GK5: variants seen among roughly 807,000 people sequenced by gnomAD.
GK5 encodes ATP:glycerol 3-phosphotransferase 5.
Under a neutral mutation model 77.3 loss-of-function variants are expected in GK5, and 39 were observed. The observed-to-expected ratio is 0.50, with a 90% CI of 0.39 to 0.66. The LOEUF is 0.66. Ranked by LOEUF, GK5 falls within the 30% of genes least tolerant of loss-of-function variation. The pLI is 0.00. For synonymous variants in GK5, 211 were observed against 208.0 expected, an observed-to-expected ratio of 1.01 and a Z score of -0.13; for missense variants, 487 against 633.8, an observed-to-expected ratio of 0.77 and a Z score of 2.49.
chr3:142,212,205 T>C (rs2064196399), intron 3 of GK5, among the ~76,000 whole-genome samples: 1 of 151,528 alleles, frequency 6.6e-6, no homozygotes, highest in Non-Finnish European at 1.5e-5. Context: ...CAGTGGTGTG[T>C]GTGGGTACGT....
chr3:142,166,775 T>A (rs894091094), intron 15 of GK5, among the ~76,000 whole-genome samples: 1 of 152,148 alleles, frequency 6.6e-6, no homozygotes, highest in African/African-American at 2.4e-5. Flanking sequence ...CCTCAAATGA[T>A]CCGCCCTCCT....
Position 142,158,565 on chromosome 3 carries a change from T to G in GK5, c.*7057A>C, listed in dbSNP as rs73236059. On this transcript the variant is annotated 3_prime_UTR_variant, in exon 16 of 16. Coordinates refer to ENST00000392993, the MANE Select transcript of GK5 (RefSeq NM_001039547.3). ...TAGATCTTAACAATGATTTATGAGGTTCTCAATGACAATTTAATAAAACTG... is the reference window on the plus strand; with the variant it reads ...TAGATCTTAACAATGATTTATGAGGGTCTCAATGACAATTTAATAAAACTG... The G allele has an allele frequency of 0.24, 36,814 of 152,514 alleles. 5,157 individuals are homozygous for G. The highest frequency in any genetic ancestry group is 0.4 in the African/African-American group (16,477 of 41,458). 9.4% of individuals were successfully genotyped at this position (152,514 alleles called of 1,614,324 possible).
chr3:142,167,724 A>C (rs1233961265), intron 15 of GK5, among the ~76,000 whole-genome samples: 2 of 152,230 alleles, frequency 1.3e-5, no homozygotes, highest in African/African-American at 4.8e-5. Flanking sequence ...AATAACCTGC[A>C]TGTGGGGCTG....
intron 5 of GK5, among the ~76,000 whole-genome samples, chr3:142,194,738 A>C (rs2063908988): frequency 6.6e-6 from 1 of 151,330 alleles, no homozygotes; most frequent in Admixed American, 6.6e-5. Context: ...CCACCTTACT[A>C]AACTCATTTA....
Position 142,159,853 on chromosome 3 carries a change from C to CTCTTTTTTTTTTTTTTTTTTTT in GK5, c.*5768_*5769insAAAAAAAAAAAAAAAAAAAAGA, listed in dbSNP as rs1553825247. 6.0e-4 allele frequency: 64 copies of CTCTTTTTTTTTTTTTTTTTTTT among 106,092 alleles called. No individual in the cohort carries two copies. The highest frequency in any genetic ancestry group is 1.1e-3 in the Admixed American group (11 of 10,248). 6.6% of individuals were successfully genotyped at this position (106,092 alleles called of 1,614,324 possible). A position where few individuals can be genotyped will look rare whatever the true frequency, so the allele number is the denominator to read the frequency against. On this transcript the variant is annotated 3_prime_UTR_variant, in exon 16 of 16. Coordinates refer to ENST00000392993, the MANE Select transcript of GK5 (RefSeq NM_001039547.3). ...TTTCTCTCTCTCTCTCTCTCTCTCT[C>CTCTTTTTTTTTTTTTTTTTTTT]TTTTTTTTTTTTGAGACAGAGTCTC...
At chr3:142,177,871 T>C (rs1481448060) in intron 11 of GK5, among the ~76,000 whole-genome samples, 1 of 150,892 alleles carries the variant, frequency 6.6e-6, no homozygotes, top group Non-Finnish European at 1.5e-5. Context: ...TTTTTTTTTT[T>C]TTTTGAGACG....
Position 142,171,415 on chromosome 3 carries a change from A to C in GK5, c.1307+4T>G. 1 of 1,480,108 alleles carries C rather than the reference A, an allele frequency of 6.8e-7. No individual in the cohort carries two copies. The highest frequency in any genetic ancestry group is 9.1e-7 in the Non-Finnish European group (1 of 1,098,502). The allele number at this position is 1,480,108 out of a possible 1,614,324, so 91.7% of individuals were successfully genotyped here. A position where few individuals can be genotyped will look rare whatever the true frequency, so the allele number is the denominator to read the frequency against. On this transcript the variant is annotated splice_donor_region_variant and intron_variant, in intron 14 of 15. Transcript: ENST00000392993. ...TAAGTCTATTAGAAATAAACTTTAC[A>C]TACCGGATTTTTCTTACAGGAATAT...
At position 142,165,439 on chromosome 3, in the gene GK5, T is replaced by C. The variant is rs2063462650; in HGVS notation, c.*183A>G. ...GAGGTATTGCTGCCTTACCATGGTTTAGGGGAAAAAAATAAGAGTTTTTTG... is the reference window on the plus strand; with the variant it reads ...GAGGTATTGCTGCCTTACCATGGTTCAGGGGAAAAAAATAAGAGTTTTTTG... On this transcript the variant is annotated 3_prime_UTR_variant, in exon 16 of 16. Transcript: ENST00000392993. 2.2e-6 allele frequency: 1 copy of C among 462,934 alleles called. No homozygotes were observed. The highest frequency in any genetic ancestry group is 3.7e-6 in the Non-Finnish European group (1 of 266,972). The allele number at this position is 462,934 out of a possible 1,614,324, so 28.7% of individuals were successfully genotyped here.
rs1407448771 is a variant in GK5 at position 142,159,847 on chromosome 3, C to CTTTTTTTTTTTTGTTTTTTTT, written c.*5774_*5775insAAAAAAAACAAAAAAAAAAAA. The CTTTTTTTTTTTTGTTTTTTTT allele has an allele frequency of 9.7e-6, 1 of 103,156 alleles. No homozygotes were observed. The highest frequency in any genetic ancestry group is 4.0e-5 in the African/African-American group (1 of 25,148). 6.4% of individuals were successfully genotyped at this position (103,156 alleles called of 1,614,324 possible). The stretch of plus-strand genomic sequence containing the variant: ...TGGGGCTTTCTCTCTCTCTCTCTCT[C>CTTTTTTTTTTTTGTTTTTTTT]TCTCTCTTTTTTTTTTTTGAGACAG... On this transcript the variant is annotated 3_prime_UTR_variant, in exon 16 of 16. Transcript: ENST00000392993.
chr3:142,180,934 C>T (rs1161346717), intron 11 of GK5, among the ~76,000 whole-genome samples: 1 of 152,160 alleles, frequency 6.6e-6, no homozygotes. Flanking sequence ...GAACTAATCT[C>T]CAGGCAAACC....
In GK5 at chr3:142,225,370, G is replaced by T; in HGVS notation, c.86C>A (p.Ser29Tyr). 3 of 1,587,790 alleles carry T rather than the reference G, an allele frequency of 1.9e-6. No individual in the cohort carries two copies. The highest frequency in any genetic ancestry group is 2.6e-6 in the Non-Finnish European group (3 of 1,168,534). Reference sequence around the variant, plus strand: ...GTCATAGACGTGGCAGCGGATCACAGAACTGCCCACATCCAGCCCCAGCAC... The same window carrying T: ...GTCATAGACGTGGCAGCGGATCACATAACTGCCCACATCCAGCCCCAGCAC... ...GFVLGLDVGS[S>Y]VIRCHVYDRA... The change falls in exon 1 of 16, where the codon TCT (serine) becomes TAT (tyrosine). Residue 29 changes from serine (S) to tyrosine (Y), a missense_variant. By Grantham distance (144) the Ser-to-Tyr change is moderately radical (BLOSUM62 -2). Around this residue, in one of 4 missense-constraint regions of GK5, gnomAD observed 97 missense variants for 86.9 expected, o/e 1.12. Transcript: ENST00000392993.
chr3:142,186,057 T>C, intron 8 of GK5, 68 bp from the exon 9 acceptor site: 1 of 1,371,948 alleles, frequency 7.3e-7, no homozygotes, highest in Non-Finnish European at 1.0e-6. Context: ...CTCAGCAAAT[T>C]GTTTTTTTGC....
At chr3:142,212,342 T>C (rs2064197974) in intron 3 of GK5, among the ~76,000 whole-genome samples, 1 of 151,962 alleles carries the variant, frequency 6.6e-6, no homozygotes, top group Admixed American at 6.6e-5. Flanking sequence ...CGAGACCAGC[T>C]TGGCAATATG....
chr3:142,185,611 T>A lies in GK5; in HGVS notation c.816+318A>T, dbSNP rs2063758343. Reference sequence around the variant, plus strand: ...CCCATCACTGTGTTTTGTCTCAGAGTACCAAATGTAAACTAAATACCACTC... The same window carrying A: ...CCCATCACTGTGTTTTGTCTCAGAGAACCAAATGTAAACTAAATACCACTC... On this transcript the variant is annotated intron_variant, in intron 9 of 15. Coordinates refer to ENST00000392993, the MANE Select transcript of GK5 (RefSeq NM_001039547.3). The A allele has an allele frequency of 4.4e-6, 5 of 1,128,684 alleles. No individual in the cohort carries two copies. In the South Asian group the frequency reaches 1.1e-4, roughly 24 times the overall value. The allele number at this position is 1,128,684 out of a possible 1,614,324, so 69.9% of individuals were successfully genotyped here. A position where few individuals can be genotyped will look rare whatever the true frequency, so the allele number is the denominator to read the frequency against.
chr3:142,212,963 T>C (rs1012013782), intron 3 of GK5, among the ~76,000 whole-genome samples: 1 of 150,866 alleles, frequency 6.6e-6, no homozygotes, highest in African/African-American at 2.4e-5. Flanking sequence ...GCCTCCCGAG[T>C]AGCTGGGACT....
chr3:142,180,774 G>C (rs1420060961), intron 11 of GK5, among the ~76,000 whole-genome samples: 1 of 152,070 alleles, frequency 6.6e-6, no homozygotes, highest in Non-Finnish European at 1.5e-5. Flanking sequence ...ACCAATATGG[G>C]GATCCCAAGA....
chr3:142,170,081 G>T (rs1166071398), intron 15 of GK5: 1 of 561,870 alleles, frequency 1.8e-6, no homozygotes, highest in East Asian at 3.2e-5. Flanking sequence ...ACGCAGCTGA[G>T]AATTAACTGT....
Position 142,172,466 on chromosome 3 carries a change from G to A in GK5, c.1144-10C>T. 1.4e-6 allele frequency: 2 copies of A among 1,401,764 alleles called. No individual in the cohort carries two copies. The highest frequency in any genetic ancestry group is 2.0e-6 in the Non-Finnish European group (2 of 998,084). The allele number at this position is 1,401,764 out of a possible 1,614,324, so 86.8% of individuals were successfully genotyped here. A position where few individuals can be genotyped will look rare whatever the true frequency, so the allele number is the denominator to read the frequency against. On this transcript the variant is annotated splice_polypyrimidine_tract_variant and intron_variant, in intron 12 of 15. Coordinates refer to ENST00000392993, the MANE Select transcript of GK5 (RefSeq NM_001039547.3). ...GGTCATTTAATGGAGCCTACAGTAA[G>A]AGATAACAAGAATATATTATTATTA...
At chr3:142,224,149 A>C (rs2064395912) in intron 1 of GK5, among the ~76,000 whole-genome samples, 1 of 152,200 alleles carries the variant, frequency 6.6e-6, no homozygotes, top group African/African-American at 2.4e-5. Flanking sequence ...TCACGCCTGT[A>C]ATCTTGGCAC....
Sources: gnomAD v4.1 joint callset for allele counts (sites outside exome capture counted in the v4.1 genomes callset) on GRCh38, gnomAD v4.1.1 for gene constraint, gnomAD v4.1.1 regional missense constraint, MANE v1.5 for transcripts, NCBI Gene and HGNC (gene_info 2026-07-23, HGNC 2026-07-21) for gene names.